Variants in CCSER1 observed in about 807,000 individuals in gnomAD.
The protein encoded by CCSER1 is coiled-coil serine rich protein 1, also known as serine-rich coiled-coil domain-containing protein 1.
CCSER1 carries 41 observed loss-of-function variants against 82.0 expected under a neutral mutation model. The ratio of observed to expected loss-of-function variants is 0.50; its 90% CI spans 0.39 to 0.65. The LOEUF (loss-of-function observed/expected upper bound fraction) is 0.65. CCSER1 is among the 30% of genes least tolerant of loss of function. The probability of loss-of-function intolerance (pLI) is 0.00; values close to 1 mark genes in which losing one functional copy is unlikely to be tolerated. For synonymous variants in CCSER1, 414 were observed against 383.9 expected (o/e 1.08, Z -0.92); for missense variants, 1,119 against 1,064.2 (o/e 1.05, Z -0.72).
At chr4:91,246,847 C>T (rs919513511) in intron 10 of CCSER1, among the ~76,000 whole-genome samples, 3 of 151,824 alleles carry the variant, frequency 2.0e-5, no homozygotes, top group Admixed American at 2.0e-4. Flanking sequence ...CACACACACA[C>T]ACACACACAC....
chr4:90,178,495 G>C (rs1049297670), intron 1 of CCSER1, among the ~76,000 whole-genome samples: 7 of 151,878 alleles, frequency 4.6e-5, no homozygotes, highest in Non-Finnish European at 1.0e-4. Context: ...AGTTGTGAAG[G>C]CTTTGCTGGA....
At chr4:91,248,648 A>AAG (rs1167539670) in intron 10 of CCSER1, among the ~76,000 whole-genome samples, 1 of 152,230 alleles carries the variant, frequency 6.6e-6, no homozygotes, top group Non-Finnish European at 1.5e-5. Flanking sequence ...GTCACAGCTT[A>AAG]AGAGGACCTT....
chr4:91,506,494 A>G (rs1759495803), intron 10 of CCSER1, among the ~76,000 whole-genome samples: 2 of 152,052 alleles, frequency 1.3e-5, no homozygotes, highest in African/African-American at 2.4e-5. Flanking sequence ...AAGAATGTCA[A>G]TGGCAGTTTG....
At chr4:91,219,691 A>G (rs945202286) in intron 10 of CCSER1, among the ~76,000 whole-genome samples, 2 of 152,200 alleles carry the variant, frequency 1.3e-5, no homozygotes, top group Non-Finnish European at 2.9e-5. Flanking sequence ...TCTCTGAGCT[A>G]CATTCACTTA....
intron 9 of CCSER1, among the ~76,000 whole-genome samples, chr4:91,002,436 T>G (rs554423310): frequency 5.9e-5 from 9 of 152,316 alleles, no homozygotes; most frequent in African/African-American, 2.2e-4. Flanking sequence ...TCTTGGAGGC[T>G]TTGTTCATTT....
intron 5 of CCSER1, among the ~76,000 whole-genome samples, chr4:90,531,370 T>G (rs545734525): frequency 6.6e-6 from 1 of 151,886 alleles, no homozygotes; most frequent in Admixed American, 6.6e-5. Context: ...ATAAAATCCT[T>G]AGTGAGATTC....
chr4:91,253,635 T>C (rs1461188767), intron 10 of CCSER1, among the ~76,000 whole-genome samples: 1 of 152,158 alleles, frequency 6.6e-6, no homozygotes, highest in Non-Finnish European at 1.5e-5. Context: ...CAATAAGATA[T>C]AAAAATTTAA....
At chr4:91,045,085 G>C (rs913145446) in intron 9 of CCSER1, among the ~76,000 whole-genome samples, 3 of 152,110 alleles carry the variant, frequency 2.0e-5, no homozygotes, top group Non-Finnish European at 4.4e-5. Flanking sequence ...TATAAACCTA[G>C]AACAGTGCCC....
chr4:90,307,858 T>C (rs960069867), intron 1 of CCSER1, among the ~76,000 whole-genome samples: 1 of 152,160 alleles, frequency 6.6e-6, no homozygotes, highest in Non-Finnish European at 1.5e-5. Context: ...GAAATTTTTA[T>C]GTCTGTCACG....
At chr4:90,376,676 A>G (rs1748365796) in intron 3 of CCSER1, among the ~76,000 whole-genome samples, 4 of 152,138 alleles carry the variant, frequency 2.6e-5, no homozygotes, top group Admixed American at 2.0e-4. Flanking sequence ...TTTATGGGAT[A>G]AATTGAATGG....
At chr4:90,552,552 G>A (rs1366241638) in intron 5 of CCSER1, among the ~76,000 whole-genome samples, 1 of 151,910 alleles carries the variant, frequency 6.6e-6, no homozygotes, top group Non-Finnish European at 1.5e-5. Context: ...CCACTTCCCG[G>A]GCTCAAGCGA....
chr4:91,002,643 C>G (rs192000463), intron 9 of CCSER1, among the ~76,000 whole-genome samples: 1 of 151,004 alleles, frequency 6.6e-6, no homozygotes, highest in African/African-American at 2.4e-5. Flanking sequence ...ATATTTTTCC[C>G]TTCGCTTCTT....
At chr4:91,105,376 C>T (rs1477933122) in intron 10 of CCSER1, among the ~76,000 whole-genome samples, 1 of 149,376 alleles carries the variant, frequency 6.7e-6, no homozygotes, top group Non-Finnish European at 1.5e-5. Context: ...GAAACTTGAT[C>T]ACATTCAAAT....
chr4:90,917,432 C>A (rs1727648055), intron 8 of CCSER1, among the ~76,000 whole-genome samples: 2 of 152,134 alleles, frequency 1.3e-5, no homozygotes, highest in Non-Finnish European at 2.9e-5. Flanking sequence ...ACAAACACCG[C>A]ATGTTCTCAC....
chr4:90,162,278 A>G (rs1729594318), intron 1 of CCSER1, among the ~76,000 whole-genome samples: 1 of 152,118 alleles, frequency 6.6e-6, no homozygotes, highest in Admixed American at 6.6e-5. Flanking sequence ...TAACTGAAAT[A>G]TTGACATTTA....
chr4:91,381,105 C>A (rs1750854515), intron 10 of CCSER1, among the ~76,000 whole-genome samples: 1 of 152,190 alleles, frequency 6.6e-6, no homozygotes, highest in Non-Finnish European at 1.5e-5. Context: ...AGAGCTTCTG[C>A]CATGAGATCC....
intron 9 of CCSER1, among the ~76,000 whole-genome samples, chr4:91,054,643 G>C (rs896647033): frequency 6.6e-6 from 1 of 151,512 alleles, no homozygotes; most frequent in African/African-American, 2.4e-5. Flanking sequence ...TGGATGGCAT[G>C]TGTAGGTTGG....
chr4:90,932,499 T>G (rs1192781484), intron 9 of CCSER1, among the ~76,000 whole-genome samples: 1 of 152,020 alleles, frequency 6.6e-6, no homozygotes, highest in Non-Finnish European at 1.5e-5. Context: ...TAATATAGAA[T>G]GAAAAGTATT....
chr4:91,309,616 T>C (rs1308711527), intron 10 of CCSER1, among the ~76,000 whole-genome samples: 4 of 150,818 alleles, frequency 2.7e-5, no homozygotes, highest in Middle Eastern at 3.4e-3. Context: ...TTACATGTTA[T>C]AGAGCAATAC....
Sources: allele counts gnomAD v4.1 joint callset (sites outside exome capture counted in the v4.1 genomes callset), GRCh38; gene constraint gnomAD v4.1.1; transcripts MANE v1.5; gene names NCBI Gene and HGNC (gene_info 2026-07-23, HGNC 2026-07-21).